PCDH15: variants seen among roughly 807,000 people sequenced by gnomAD.
PCDH15 encodes the protein protocadherin related 15, also known as protocadherin-15.
Under a neutral mutation model 178.5 loss-of-function variants are expected in PCDH15, and 129 were observed. The observed-to-expected ratio is 0.72, with a 90% CI of 0.63 to 0.84. PCDH15 has a LOEUF of 0.84. Ranked by LOEUF, PCDH15 falls within the 40% of genes least tolerant of loss-of-function variation. PCDH15 has a pLI of 0.00. For missense variants in PCDH15, 2,230 were observed against 2,099.9 expected (o/e 1.06, Z -1.21); for synonymous variants, 800 against 732.0 (o/e 1.09, Z -1.50).
chr10:55,550,172 C>T (rs1024079748), intron 2 of PCDH15, among the ~76,000 whole-genome samples: 9 of 152,052 alleles, frequency 5.9e-5, no homozygotes, highest in Non-Finnish European at 8.8e-5. Flanking sequence ...AATTACTGCA[C>T]AAATAAATGC....
intron 2 of PCDH15, among the ~76,000 whole-genome samples, chr10:55,429,774 T>A: frequency 6.6e-6 from 1 of 152,282 alleles, no homozygotes; most frequent in South Asian, 2.1e-4. Flanking sequence ...GAACTTGGAC[T>A]GTTAACACTT....
chr10:54,134,363 C>T (rs1350070774), intron 14 of PCDH15, among the ~76,000 whole-genome samples: 3 of 88,034 alleles, frequency 3.4e-5, no homozygotes, highest in African/African-American at 9.9e-5. Flanking sequence ...TAAAGTAGTC[C>T]CAAACTCTTT....
At chr10:54,560,641 G>T (rs2088003896) in intron 2 of PCDH15, among the ~76,000 whole-genome samples, 1 of 151,946 alleles carries the variant, frequency 6.6e-6, no homozygotes, top group South Asian at 2.1e-4. Context: ...ATGTATAAAG[G>T]TGTCAGCTGT....
chr10:55,057,552 A>C (rs1841334621), intron 2 of PCDH15, among the ~76,000 whole-genome samples: 1 of 152,268 alleles, frequency 6.6e-6, no homozygotes, highest in African/African-American at 2.4e-5. Context: ...TGCTGTGGGA[A>C]GCTTGAAGAC....
At chr10:54,663,176 C>T (rs1454680106) in intron 2 of PCDH15, among the ~76,000 whole-genome samples, 1 of 151,806 alleles carries the variant, frequency 6.6e-6, no homozygotes, top group Non-Finnish European at 1.5e-5. Context: ...TGTGAAAAAG[C>T]CAGACTAATT....
intron 1 of PCDH15, among the ~76,000 whole-genome samples, chr10:54,783,703 A>G (rs1024869860): frequency 6.6e-6 from 1 of 152,146 alleles, no homozygotes; most frequent in Non-Finnish European, 1.5e-5. Flanking sequence ...AAAACTATCA[A>G]AAGTAAAAGA....
At chr10:53,873,179 A>AT (rs1186492409) in intron 26 of PCDH15, among the ~76,000 whole-genome samples, 1 of 152,192 alleles carries the variant, frequency 6.6e-6, no homozygotes, top group Non-Finnish European at 1.5e-5. Flanking sequence ...TAGAATCACC[A>AT]TCTGTAATTC....
rs1186495914 is a variant in PCDH15 at position 53,831,531 on chromosome 10, A to T, written c.3986T>A (p.Phe1329Tyr). The change falls in exon 30 of 38, where the codon TTT (phenylalanine) becomes TAT (tyrosine). Residue 1329 changes from phenylalanine to tyrosine, a missense_variant and splice_region_variant. Physicochemically the swap from Phe to Tyr is conservative, Grantham distance 22. Coordinates refer to ENST00000644397, the MANE Select transcript of PCDH15 (RefSeq NM_001384140.1). ...GATATCAAGTAGTTTGCCATCCAAA[A>T]ATCTTTATTGTTAGATAAATAGTAA... ...RAIDRNELFK[F>Y]LDGKLLDINK... 1 of 1,608,424 alleles carries T rather than the reference A, an allele frequency of 6.2e-7. No homozygotes were observed. Among genetic ancestry groups the T allele is most frequent in the South Asian group, 1.1e-5 (1 of 90,858 alleles).
chr10:54,395,447 CA>C (rs200926107), intron 3 of PCDH15, among the ~76,000 whole-genome samples: 3,915 of 151,592 alleles, frequency 0.026, 161 homozygotes, highest in African/African-American at 0.088. Context: ...CACACACACA[CA>C]CCCACATTAA....
chr10:54,808,818 G>C (rs1276450086), intron 3 of PCDH15, among the ~76,000 whole-genome samples: 1 of 152,056 alleles, frequency 6.6e-6, no homozygotes, highest in Non-Finnish European at 1.5e-5. Context: ...TAATTCTGCA[G>C]TTAATGGAAA....
chr10:54,104,954 T>C (rs917200724), intron 15 of PCDH15, among the ~76,000 whole-genome samples: 2 of 151,872 alleles, frequency 1.3e-5, no homozygotes, highest in Admixed American at 6.6e-5. Flanking sequence ...AAAGGTATTA[T>C]GTATAGAGTC....
intron 1 of PCDH15, among the ~76,000 whole-genome samples, chr10:55,236,071 T>A (rs1294901216): frequency 6.6e-6 from 1 of 151,994 alleles, no homozygotes; most frequent in African/African-American, 2.4e-5. Flanking sequence ...TACCTCCTCT[T>A]TCTTTTATTC....
chr10:55,409,323 C>T (rs768472827), intron 2 of PCDH15, among the ~76,000 whole-genome samples: 1 of 152,170 alleles, frequency 6.6e-6, no homozygotes, highest in Admixed American at 6.5e-5. Context: ...CTTTTACATG[C>T]TCAGCCCCAG....
chr10:54,322,992 TA>T (rs2061705405), intron 7 of PCDH15, among the ~76,000 whole-genome samples: 2 of 151,976 alleles, frequency 1.3e-5, no homozygotes, highest in African/African-American at 4.8e-5. Flanking sequence ...TCAGAATCTA[TA>T]AGGAACTTAA....
chr10:54,809,817 T>C (rs975918826), intron 3 of PCDH15, among the ~76,000 whole-genome samples: 5 of 152,170 alleles, frequency 3.3e-5, no homozygotes, highest in African/African-American at 9.6e-5. Context: ...AAGTTGACTA[T>C]ATTGTCAGTT....
At chr10:54,436,531 T>G (rs1019601944) in intron 3 of PCDH15, among the ~76,000 whole-genome samples, 11 of 152,116 alleles carry the variant, frequency 7.2e-5, no homozygotes, top group Non-Finnish European at 1.6e-4. Context: ...ACTTCAGAAG[T>G]TTCACTCCAA....
intron 20 of PCDH15, among the ~76,000 whole-genome samples, chr10:54,016,899 GAA>G (rs1413398375): frequency 6.6e-6 from 1 of 152,254 alleles, no homozygotes; most frequent in Non-Finnish European, 1.5e-5. Flanking sequence ...TTTAAAGAAA[GAA>G]AAGTGTTGGA....
At chr10:54,593,924 A>G (rs2092044387) in intron 2 of PCDH15, among the ~76,000 whole-genome samples, 2 of 151,788 alleles carry the variant, frequency 1.3e-5, no homozygotes, top group South Asian at 4.2e-4. Flanking sequence ...CCACAGAGGG[A>G]CCACGACATC....
chr10:54,753,108 C>T (rs1946566091), intron 1 of PCDH15, among the ~76,000 whole-genome samples: 1 of 152,076 alleles, frequency 6.6e-6, no homozygotes, highest in Admixed American at 6.5e-5. Context: ...TCAATGTTTG[C>T]ACATCCATGG....
Sources: allele counts gnomAD v4.1 joint callset (sites outside exome capture counted in the v4.1 genomes callset), GRCh38; gene constraint gnomAD v4.1.1; transcripts MANE v1.5; gene names NCBI Gene and HGNC (gene_info 2026-07-23, HGNC 2026-07-21).